The following GPM6A variants were observed in gnomAD, a reference collection of about 807,000 sequenced individuals.
GPM6A encodes glycoprotein M6A.
GPM6A carries 7 observed loss-of-function variants against 32.1 expected under a neutral mutation model. That is an observed-to-expected ratio of 0.22 (90% CI 0.12 to 0.41). GPM6A has a LOEUF of 0.41. GPM6A is among the 10% of genes least tolerant of loss of function. The probability of loss-of-function intolerance (pLI) is 1.00; values close to 1 mark genes in which losing one functional copy is unlikely to be tolerated. For synonymous variants in GPM6A, 130 were observed against 123.4 expected, an observed-to-expected ratio of 1.05 and a Z score of -0.35; for missense variants, 235 against 347.2, an observed-to-expected ratio of 0.68 and a Z score of 2.57.
At chr4:175,662,247 C>T (rs1179659953) in intron 3 of GPM6A, among the ~76,000 whole-genome samples, 1 of 152,038 alleles carries the variant, frequency 6.6e-6, no homozygotes, top group East Asian at 1.9e-4. Context: ...ACCCTCTTGC[C>T]TGCATACCAC....
intron 1 of GPM6A, among the ~76,000 whole-genome samples, chr4:175,735,670 C>T (rs1332313427): frequency 2.6e-5 from 4 of 151,982 alleles, no homozygotes; most frequent in African/African-American, 4.8e-5. Context: ...AGTGATTCTC[C>T]GGCCTCAGCC....
At chr4:175,957,183 G>A (rs566213631) in intron 1 of GPM6A, among the ~76,000 whole-genome samples, 1 of 152,116 alleles carries the variant, frequency 6.6e-6, no homozygotes, top group African/African-American at 2.4e-5. Flanking sequence ...ACATGAACAG[G>A]TGTGTTTTAC....
chr4:175,969,668 G>A (rs1740440300), intron 1 of GPM6A, among the ~76,000 whole-genome samples: 1 of 152,112 alleles, frequency 6.6e-6, no homozygotes. Context: ...CAGAGATCAT[G>A]CCACTGCACT....
At chr4:175,913,513 C>T (rs1738388548) in intron 1 of GPM6A, among the ~76,000 whole-genome samples, 2 of 152,174 alleles carry the variant, frequency 1.3e-5, no homozygotes. Context: ...GAATGAAAGT[C>T]CAATCCTTGC....
chr4:175,831,518 C>T (rs1735609748), intron 1 of GPM6A, among the ~76,000 whole-genome samples: 1 of 152,048 alleles, frequency 6.6e-6, no homozygotes, highest in Non-Finnish European at 1.5e-5. Flanking sequence ...CATTGATGGG[C>T]CCCATGTCAA....
intron 1 of GPM6A, among the ~76,000 whole-genome samples, chr4:175,779,487 G>A (rs1733529867): frequency 1.3e-5 from 2 of 152,082 alleles, no homozygotes; most frequent in South Asian, 4.1e-4. Flanking sequence ...TTCCAGTTCA[G>A]TAAGCGGGTT....
At chr4:175,647,912 CAG>C in intron 4 of GPM6A, among the ~76,000 whole-genome samples, 1 of 152,140 alleles carries the variant, frequency 6.6e-6, no homozygotes, top group Non-Finnish European at 1.5e-5. Context: ...AAGAGCTAAA[CAG>C]AACGTCTTAA....
chr4:175,688,580 G>A (rs74794815), intron 2 of GPM6A, among the ~76,000 whole-genome samples: 6,781 of 151,994 alleles, frequency 0.045, 522 homozygotes, highest in African/African-American at 0.16. Flanking sequence ...CAGACTCTAG[G>A]GTTCAACAGC....
intron 1 of GPM6A, among the ~76,000 whole-genome samples, chr4:175,771,159 T>TAC (rs779078800): frequency 0.26 from 39,283 of 151,850 alleles, 7,658 homozygotes; most frequent in African/African-American, 0.56. Context: ...CTTCCTTGTT[T>TAC]TTTTGCCCAT....
At chr4:175,959,439 C>A (rs1740096055) in intron 1 of GPM6A, among the ~76,000 whole-genome samples, 2 of 152,102 alleles carry the variant, frequency 1.3e-5, no homozygotes, top group South Asian at 2.1e-4. Flanking sequence ...CATGCACACA[C>A]ACACACACAC....
At chr4:175,752,911 G>C (rs1340935726) in intron 1 of GPM6A, among the ~76,000 whole-genome samples, 1 of 152,260 alleles carries the variant, frequency 6.6e-6, no homozygotes, top group East Asian at 1.9e-4. Context: ...TGGTTCGAAA[G>C]GAAAACGTCA....
At chr4:175,838,112 GACAC>G (rs10548625) in intron 1 of GPM6A, among the ~76,000 whole-genome samples, 44,843 of 141,564 alleles carry the variant, frequency 0.32, 7,310 homozygotes, top group East Asian at 0.35. Context: ...CACACACACA[GACAC>G]ACACACACAC....
chr4:175,647,736 G>C (rs1205355925), intron 4 of GPM6A, among the ~76,000 whole-genome samples: 1 of 152,110 alleles, frequency 6.6e-6, no homozygotes, highest in Admixed American at 6.6e-5. Context: ...TTGTCTTTTT[G>C]ATGAATATTA....
chr4:175,783,060 A>G (rs929232205), intron 1 of GPM6A, among the ~76,000 whole-genome samples: 3 of 152,102 alleles, frequency 2.0e-5, no homozygotes, highest in South Asian at 2.1e-4. Context: ...ATGACAGTTT[A>G]TTTAATTTGC....
At chr4:175,991,131 C>T (rs1006515879) in intron 1 of GPM6A, among the ~76,000 whole-genome samples, 1 of 149,232 alleles carries the variant, frequency 6.7e-6, no homozygotes, top group Non-Finnish European at 1.5e-5. Flanking sequence ...AGTGCAGTAG[C>T]ATGATCTCAC....
At chr4:175,815,196 A>C (rs1391083106), upstream of GPM6A, among the ~76,000 whole-genome samples, 1 of 152,032 alleles carries the variant, frequency 6.6e-6, no homozygotes, top group Admixed American at 6.5e-5. Flanking sequence ...TTTTTAGTGG[A>C]GACCGGGTTG....
intron 6 of GPM6A, 99 bp from the exon 7 acceptor site, chr4:175,635,156 G>C (rs1405875501): frequency 1.2e-6 from 1 of 842,516 alleles, no homozygotes; most frequent in African/African-American, 1.7e-5. Flanking sequence ...GCTCTTTATA[G>C]GAAATGTTCA....
At chr4:175,695,700 G>T (rs188233514) in intron 2 of GPM6A, among the ~76,000 whole-genome samples, 1 of 152,290 alleles carries the variant, frequency 6.6e-6, no homozygotes, top group Admixed American at 6.5e-5. Flanking sequence ...TTGGACTTTG[G>T]ATTTTTGAAT....
chr4:175,851,227 G>T (rs1007867672), intron 1 of GPM6A, among the ~76,000 whole-genome samples: 1 of 151,874 alleles, frequency 6.6e-6, no homozygotes, highest in East Asian at 1.9e-4. Flanking sequence ...TGTGGTGGCG[G>T]GCACCTGTAA....
Sources: gnomAD v4.1 joint callset for allele counts (sites outside exome capture counted in the v4.1 genomes callset) on GRCh38, gnomAD v4.1.1 for gene constraint, MANE v1.5 for transcripts, NCBI Gene and HGNC (gene_info 2026-07-23, HGNC 2026-07-21) for gene names.